ZFYVE28: variants seen among roughly 807,000 people sequenced by gnomAD.
The protein encoded by ZFYVE28 is zinc finger FYVE-type containing 28.
A neutral mutation model predicts 82.1 loss-of-function variants in ZFYVE28; 40 were observed. The ratio of observed to expected loss-of-function variants is 0.49; its 90% confidence interval spans 0.38 to 0.63. The LOEUF is 0.63. Among genes scored for constraint, ZFYVE28 ranks in the 30% least tolerant of loss-of-function variants. ZFYVE28 has a pLI of 0.00. For missense variants in ZFYVE28, 1,321 were observed against 1,242.1 expected (o/e 1.06, Z -0.96); for synonymous variants, 612 against 546.1 (o/e 1.12, Z -1.68).
chr4:2,393,587 C>A (rs1012909461), intron 1 of ZFYVE28, among the ~76,000 whole-genome samples: 1 of 152,212 alleles, frequency 6.6e-6, no homozygotes, highest in African/African-American at 2.4e-5. Flanking sequence ...AGGTGGCAGC[C>A]ACATGTAGCC....
chr4:2,304,340 T>C lies in ZFYVE28; in HGVS notation c.2000A>G (p.His667Arg), dbSNP rs895251668. The change falls in exon 8 of 13, where the codon CAT becomes CGT. Residue 667 changes from histidine (H) to arginine (R), a missense_variant. This residue lies in a region of ZFYVE28 where 978 missense variants were observed against 833.7 expected (regional missense o/e 1.17). Coordinates refer to ENST00000290974, the MANE Select transcript of ZFYVE28 (RefSeq NM_020972.3). The stretch of plus-strand genomic sequence containing the variant: ...CTCGTGAGCCGAGGGGCTCCCAGCA[T>C]GCAGCTCTCTGGCCTCTGGCTCCTG... ...GQQEPEAREL[H>R]AGSPSAHEAP... is the part of the protein sequence containing the mutation. 4.4e-6 allele frequency: 7 copies of C among 1,607,050 alleles called. No individual in the cohort carries two copies. Among genetic ancestry groups the C allele is most frequent in the African/African-American group, 1.3e-5 (1 of 74,904 alleles).
intron 1 of ZFYVE28, among the ~76,000 whole-genome samples, chr4:2,397,343 C>T (rs6827437): frequency 0.16 from 23,604 of 151,668 alleles, 2,388 homozygotes; most frequent in African/African-American, 0.28. Context: ...CCTTACGTGG[C>T]GGCACGTGCC....
chr4:2,304,354 C>T lies in ZFYVE28; in HGVS notation c.1986G>A (p.Glu662=). The T allele has an allele frequency of 1.2e-6, 2 of 1,609,482 alleles. No individual in the cohort carries two copies. Among genetic ancestry groups the T allele is most frequent in the Non-Finnish European group, 1.7e-6 (2 of 1,179,854 alleles). Residue 662 remains glutamate, a synonymous_variant, in exon 8 of 13, where the codon GAG becomes GAA. Transcript: ENST00000290974. ...EAGVAGQQEP[E]ARELHAGSPS... The stretch of plus-strand genomic sequence containing the variant: ...GGCTCCCAGCATGCAGCTCTCTGGC[C>T]TCTGGCTCCTGCTGACCTGCAACCC...
rs897009542 is a variant in ZFYVE28 at position 2,341,756 on chromosome 4, A to G, written c.181-141T>C. The G allele has an allele frequency of 5.0e-6, 6 of 1,210,200 alleles. No homozygotes were observed. In the African/African-American group the frequency reaches 9.1e-5, roughly 18 times the overall value. 75.0% of individuals were successfully genotyped at this position (1,210,200 alleles called of 1,614,324 possible). ...TAGAGGAGGCTAGGCACGGTGGCTCATGCCTATAATGCCAGCACTTTGGGA... is the reference window on the plus strand; with the variant it reads ...TAGAGGAGGCTAGGCACGGTGGCTCGTGCCTATAATGCCAGCACTTTGGGA... On this transcript the variant is annotated intron_variant, in intron 2 of 12. Coordinates refer to ENST00000290974, the MANE Select transcript of ZFYVE28 (RefSeq NM_020972.3). The surrounding 1 kb of genome is among the most constrained non-coding windows in gnomAD (Gnocchi z 4.5).
chr4:2,365,030 G>C (rs1726697579), intron 1 of ZFYVE28, among the ~76,000 whole-genome samples: 1 of 152,094 alleles, frequency 6.6e-6, no homozygotes, highest in Non-Finnish European at 1.5e-5. Context: ...GGAAGTGGGG[G>C]AGGGAGGTGG....
intron 8 of ZFYVE28, among the ~76,000 whole-genome samples, chr4:2,289,552 AG>A (rs1713279879): frequency 6.6e-6 from 1 of 152,124 alleles, no homozygotes; most frequent in Non-Finnish European, 1.5e-5. Flanking sequence ...AGGGTCAGGC[AG>A]GGGGTGGGCA....
Position 2,341,701 on chromosome 4 carries a change from T to G in ZFYVE28, c.181-86A>C. 1 of 1,528,978 alleles carries G rather than the reference T, an allele frequency of 6.5e-7. No individual in the cohort carries two copies. 94.7% of individuals were successfully genotyped at this position (1,528,978 alleles called of 1,614,324 possible). On this transcript the variant is annotated intron_variant, in intron 2 of 12. Transcript: ENST00000290974. This position sits in a 1 kb window ranked among gnomAD's most constrained non-coding sequence, Gnocchi z 4.5. ...ACTGCTGGAAAACACGCACGGTGCATGTGACTGTTTTTTAGGATTATTAAA... is the reference window on the plus strand; with the variant it reads ...ACTGCTGGAAAACACGCACGGTGCAGGTGACTGTTTTTTAGGATTATTAAA...
intron 8 of ZFYVE28, among the ~76,000 whole-genome samples, chr4:2,276,951 A>G (rs761865491): frequency 1.8e-4 from 28 of 152,164 alleles, no homozygotes; most frequent in African/African-American, 5.6e-4. Flanking sequence ...AGGGCTAAAT[A>G]GTAAACTTTA....
intron 1 of ZFYVE28, among the ~76,000 whole-genome samples, chr4:2,399,094 C>CAGGGCACAAGCGTGGAGGTGAGATCA (rs1730868942): frequency 2.2e-5 from 1 of 45,148 alleles, no homozygotes; most frequent in Non-Finnish European, 4.4e-5. Flanking sequence ...AGGTGAGATC[C>CAGGGCACAAGCGTGGAGGTGAGATCA]AGGGCACAAG....
At chr4:2,298,314 A>G (rs1361422040) in intron 8 of ZFYVE28, among the ~76,000 whole-genome samples, 1 of 152,158 alleles carries the variant, frequency 6.6e-6, no homozygotes, top group Non-Finnish European at 1.5e-5. Context: ...TGAGGAGTGC[A>G]TCCTGCCATG....
rs370109909 is a variant in ZFYVE28 at position 2,305,345 on chromosome 4, G to A, written c.995C>T (p.Ala332Val). The A allele has an allele frequency of 5.0e-6, 8 of 1,612,808 alleles. No homozygotes were observed. Among genetic ancestry groups the A allele is most frequent in the African/African-American group, 2.7e-5 (2 of 74,952 alleles). The change falls in exon 8 of 13, where the codon GCC becomes GTC. Residue 332 changes from alanine to valine, a missense_variant. Coordinates refer to ENST00000290974, the MANE Select transcript of ZFYVE28 (RefSeq NM_020972.3). ...CTGGTCGTCGTACTGCATGGAGCAGGCCAGCTCTGCATCCGGGTCTTTGGC... is the reference window on the plus strand; with the variant it reads ...CTGGTCGTCGTACTGCATGGAGCAGACCAGCTCTGCATCCGGGTCTTTGGC... ...AKAKDPDAEL[A>V]CSMQYDDQEL...
chr4:2,342,858 T>C (rs1723016923), intron 2 of ZFYVE28: 2 of 152,166 alleles, frequency 1.3e-5, no homozygotes, highest in African/African-American at 4.8e-5. Flanking sequence ...AGGAGAGAAG[T>C]GGGGAAAATG....
At chr4:2,324,425 C>G (rs144159466) in intron 6 of ZFYVE28, 136 of 156,802 alleles carry the variant, frequency 8.7e-4, no homozygotes, top group African/African-American at 3.1e-3. Flanking sequence ...ACAGCGGATG[C>G]TACACTGGAC....
rs1439378740 is a variant in ZFYVE28, at chr4:2,372,004, G to C, written c.40-17931C>G. 6.6e-6 allele frequency among the ~76,000 whole-genome samples: 1 copy of C among 152,240 alleles called. No homozygotes were observed. Among genetic ancestry groups the C allele is most frequent in the Non-Finnish European group, 1.5e-5 (1 of 68,046 alleles). The stretch of plus-strand genomic sequence containing the variant: ...ACAGACCCCAACTATGACAGTGATG[G>C]AGCTGGGGGCTGGCAGGGGTGCAAG... On this transcript the variant is annotated intron_variant, in intron 1 of 12. Coordinates refer to ENST00000290974, the MANE Select transcript of ZFYVE28 (RefSeq NM_020972.3). The surrounding 1 kb of genome is among the most constrained non-coding windows in gnomAD (Gnocchi z 5.2).
chr4:2,359,633 G>A (rs1725835419), intron 1 of ZFYVE28, among the ~76,000 whole-genome samples: 1 of 152,218 alleles, frequency 6.6e-6, no homozygotes, highest in African/African-American at 2.4e-5. Context: ...CCACGCAGTA[G>A]TCTGGGACTT....
At chr4:2,364,786 C>CGA in intron 1 of ZFYVE28, 2 of 985,554 alleles carry the variant, frequency 2.0e-6, no homozygotes, top group African/African-American at 3.5e-5. Flanking sequence ...AAGGCGCCCA[C>CGA]GGCCTCCGAG....
rs367909577 is a variant in ZFYVE28 at position 2,321,297 on chromosome 4, C to T, written c.702-1026G>A. 1.9e-4 allele frequency among the ~76,000 whole-genome samples: 29 copies of T among 152,278 alleles called. No individual in the cohort carries two copies. The East Asian group carries it at 5.2e-3, about 28-fold the overall frequency. ...AGCCAACACCGAGTCCCTGGGAGCA[C>T]AGGGACAGTCTCCTTGTCTAACACA... On this transcript the variant is annotated intron_variant, in intron 6 of 12. Transcript: ENST00000290974.
At position 2,346,203 on chromosome 4, in the gene ZFYVE28, G is replaced by C. The variant is rs6819313; in HGVS notation, c.181-4588C>G. Among the ~76,000 whole-genome samples, 885 of 150,638 alleles carry C rather than the reference G, an allele frequency of 5.9e-3. 5 individuals carry two copies. The highest frequency in any genetic ancestry group is 0.02 in the African/African-American group (826 of 40,902). On this transcript the variant is annotated intron_variant, in intron 2 of 12. Transcript: ENST00000290974. ...AAAAAATACAAAAAATTAGCCGGGC[G>C]TGGTGGTGGGCGCCTATAGTCCCAG...
At chr4:2,289,008 G>A (rs868865637) in intron 8 of ZFYVE28, among the ~76,000 whole-genome samples, 1 of 152,122 alleles carries the variant, frequency 6.6e-6, no homozygotes, top group South Asian at 2.1e-4. Flanking sequence ...CTAAGGCTGG[G>A]CATGGTGGCT....
Sources: gnomAD v4.1 joint callset for allele counts (sites outside exome capture counted in the v4.1 genomes callset) on GRCh38, gnomAD v4.1.1 for gene constraint, gnomAD v4.1.1 regional missense constraint, Gnocchi (gnomAD v3.1) non-coding constraint, MANE v1.5 for transcripts, NCBI Gene and HGNC (gene_info 2026-07-23, HGNC 2026-07-21) for gene names.